Variants in MAGI1 observed in about 807,000 individuals in gnomAD.
MAGI1 encodes membrane associated guanylate kinase, WW and PDZ domain containing 1.
MAGI1 carries 58 observed loss-of-function variants against 139.9 expected under a neutral mutation model. That is an observed-to-expected ratio of 0.41 (90% CI 0.34 to 0.52). MAGI1 has a LOEUF of 0.52. Among genes scored for constraint, MAGI1 ranks in the 20% least tolerant of loss-of-function variants. MAGI1 has a pLI of 0.12. For missense variants in MAGI1, 1,874 were observed against 1,901.6 expected, an observed-to-expected ratio of 0.99 and a Z score of 0.27; for synonymous variants, 812 against 737.9, an observed-to-expected ratio of 1.10 and a Z score of -1.63.
At chr3:65,793,080 C>A (rs1470281214) in intron 1 of MAGI1, among the ~76,000 whole-genome samples, 1 of 152,142 alleles carries the variant, frequency 6.6e-6, no homozygotes, top group East Asian at 1.9e-4. Context: ...GAATGTATTT[C>A]TTTTATTGCT....
intron 1 of MAGI1, among the ~76,000 whole-genome samples, chr3:65,668,742 C>A (rs569826386): frequency 1.3e-5 from 2 of 150,992 alleles, no homozygotes; most frequent in Non-Finnish European, 3.0e-5. Flanking sequence ...TTAGTAGAGA[C>A]GGGGTTTCAC....
chr3:65,604,144 A>G (rs2082620685), intron 2 of MAGI1, among the ~76,000 whole-genome samples: 1 of 152,202 alleles, frequency 6.6e-6, no homozygotes, highest in African/African-American at 2.4e-5. Flanking sequence ...GGGGAAAAGA[A>G]AACTACGGCA....
In MAGI1 at chr3:65,383,597, A is replaced by G; in HGVS notation, c.2443T>C (p.Phe815Leu). 6.2e-7 allele frequency: 1 copy of G among 1,613,604 alleles called. No individual in the cohort carries two copies. Among genetic ancestry groups the G allele is most frequent in the Non-Finnish European group, 8.5e-7 (1 of 1,179,528 alleles). The change falls in exon 15 of 23, where the codon TTC becomes CTC. Residue 815 changes from phenylalanine to leucine, a missense_variant. This residue lies in a region of MAGI1 where 482 missense variants were observed against 509.6 expected (regional missense o/e 0.95). Transcript: ENST00000402939. ...RLPDYQEQDI[F>L]LWRKETGFGF... ...AATCCAGTCTCTTTTCTCCAGAGGA[A>G]GATGTCCTGTTCCTGGTAATCTGGA...
intron 1 of MAGI1, among the ~76,000 whole-genome samples, chr3:65,740,933 C>G (rs1481067085): frequency 2.0e-5 from 3 of 152,132 alleles, no homozygotes; most frequent in Non-Finnish European, 4.4e-5. Context: ...CTTCTTTATG[C>G]TTTTCTATCT....
chr3:65,580,713 C>A (rs115867284), intron 2 of MAGI1, among the ~76,000 whole-genome samples: 116 of 152,296 alleles, frequency 7.6e-4, no homozygotes, highest in African/African-American at 2.8e-3. Flanking sequence ...CTTGGGCTAT[C>A]AGATTACTCA....
intron 1 of MAGI1, among the ~76,000 whole-genome samples, chr3:65,708,109 G>A (rs2030705500): frequency 6.6e-6 from 1 of 152,144 alleles, no homozygotes; most frequent in African/African-American, 2.4e-5. Flanking sequence ...TCCTGGAGTT[G>A]AAAAATAATC....
rs112741066 is a variant in MAGI1, at chr3:65,851,055, C to G, written c.313+186941G>C. 3.6e-3 allele frequency among the ~76,000 whole-genome samples: 548 copies of G among 151,904 alleles called. 4 individuals are homozygous for G. Among genetic ancestry groups the G allele is most frequent in the African/African-American group, 0.012 (516 of 41,392 alleles). On this transcript the variant is annotated intron_variant, in intron 1 of 22. Coordinates refer to ENST00000402939, the MANE Select transcript of MAGI1 (RefSeq NM_001033057.2). ...CGGGGAGGCAGAAGTTGCAGTGAGC[C>G]GAGATCACGCCACTGCACTTCAGCT...
At chr3:65,560,631 C>A (rs913514525) in intron 2 of MAGI1, among the ~76,000 whole-genome samples, 5 of 152,132 alleles carry the variant, frequency 3.3e-5, no homozygotes, top group Admixed American at 6.5e-5. Flanking sequence ...CTCCTCTCCC[C>A]CTCCAGATAG....
intron 1 of MAGI1, among the ~76,000 whole-genome samples, chr3:65,750,215 G>C (rs908253971): frequency 1.3e-5 from 2 of 152,110 alleles, no homozygotes; most frequent in Non-Finnish European, 2.9e-5. Flanking sequence ...CTATAATTCT[G>C]GTCACTGTGC....
chr3:65,548,509 CTCTTTTTTTTT>C (rs1213117394), intron 2 of MAGI1, among the ~76,000 whole-genome samples: 9 of 117,368 alleles, frequency 7.7e-5, no homozygotes, highest in Middle Eastern at 4.2e-3. Flanking sequence ...GCAAACAACA[CTCTTTTTTTTT>C]TTTTTTTTTT....
At chr3:65,988,361 G>A (rs758111992) in intron 1 of MAGI1, among the ~76,000 whole-genome samples, 1 of 152,182 alleles carries the variant, frequency 6.6e-6, no homozygotes, top group East Asian at 1.9e-4. Flanking sequence ...CAGTGAAGGG[G>A]GTTATGCAGA....
chr3:65,688,895 CTGAG>C (rs2088308829), intron 1 of MAGI1, among the ~76,000 whole-genome samples: 1 of 152,176 alleles, frequency 6.6e-6, no homozygotes, highest in African/African-American at 2.4e-5. Flanking sequence ...TTGAGAACTA[CTGAG>C]TAAGAAACTA....
At chr3:65,434,359 G>A (rs373731002) in intron 10 of MAGI1, among the ~76,000 whole-genome samples, 7 of 152,216 alleles carry the variant, frequency 4.6e-5, no homozygotes, top group South Asian at 2.1e-4. Context: ...TTTTGATGGC[G>A]GTGGTGATAG....
At chr3:65,998,140 G>A (rs2066557231) in intron 1 of MAGI1, among the ~76,000 whole-genome samples, 1 of 151,930 alleles carries the variant, frequency 6.6e-6, no homozygotes, top group African/African-American at 2.4e-5. Flanking sequence ...AGTTGTGGTG[G>A]ATTCCGTTAT....
intron 1 of MAGI1, among the ~76,000 whole-genome samples, chr3:65,912,236 C>CAAA (rs35498262): frequency 0.42 from 55,391 of 130,380 alleles, 11,986 homozygotes; most frequent in East Asian, 0.67. Flanking sequence ...ACTCTGATCT[C>CAAA]AAAAAAAAAA....
intron 1 of MAGI1, among the ~76,000 whole-genome samples, chr3:65,714,326 C>T (rs1042977086): frequency 2.0e-5 from 3 of 151,942 alleles, no homozygotes; most frequent in African/African-American, 7.2e-5. Flanking sequence ...GGGTTATGTT[C>T]GCAGTGAACA....
rs1948780585 is a variant in MAGI1, at chr3:65,448,017, T to C, written c.1078+5A>G. 1 of 1,613,794 alleles carries C rather than the reference T, an allele frequency of 6.2e-7. No individual in the cohort carries two copies. Reference sequence around the variant, plus strand: ...ATGCAGCAGCAGCAGGCAGGGAGGGTTTACCTAGTTCACTGTCCAGCTCCT... The same window carrying C: ...ATGCAGCAGCAGCAGGCAGGGAGGGCTTACCTAGTTCACTGTCCAGCTCCT... On this transcript the variant is annotated splice_donor_5th_base_variant and intron_variant, in intron 7 of 22. Transcript: ENST00000402939.
intron 1 of MAGI1, among the ~76,000 whole-genome samples, chr3:65,952,899 G>A (rs2063936546): frequency 6.6e-6 from 1 of 152,192 alleles, no homozygotes; most frequent in Non-Finnish European, 1.5e-5. Flanking sequence ...CCTGTTGTTT[G>A]TCTTGACAAA....
intron 18 of MAGI1, among the ~76,000 whole-genome samples, chr3:65,375,273 C>A (rs565517040): frequency 6.6e-6 from 1 of 151,584 alleles, no homozygotes; most frequent in East Asian, 1.9e-4. Flanking sequence ...ACTGCAAGCT[C>A]CGCCTCCCGG....
Sources: allele counts gnomAD v4.1 joint callset (sites outside exome capture counted in the v4.1 genomes callset), GRCh38; gene constraint gnomAD v4.1.1; regional missense constraint gnomAD v4.1.1; transcripts MANE v1.5; gene names NCBI Gene and HGNC (gene_info 2026-07-23, HGNC 2026-07-21).